Variants in DNAJB4 observed in about 807,000 individuals in gnomAD.
The protein encoded by DNAJB4 is DnaJ heat shock protein family (Hsp40) member B4, also known as dnaJ homolog subfamily B member 4.
A neutral mutation model predicts 26.6 loss-of-function variants in DNAJB4; 10 were observed. That is an observed-to-expected ratio of 0.38 (90% CI 0.23 to 0.64). The LOEUF (loss-of-function observed/expected upper bound fraction) is 0.64. Ranked by LOEUF, DNAJB4 falls within the 30% of genes least tolerant of loss-of-function variation. The pLI is 0.58. For synonymous variants in DNAJB4, 136 were observed against 134.8 expected, an observed-to-expected ratio of 1.01 and a Z score of -0.06; for missense variants, 328 against 408.2, an observed-to-expected ratio of 0.80 and a Z score of 1.69.
intron 1 of DNAJB4, among the ~76,000 whole-genome samples, chr1:77,989,878 CATT>C (rs1307123470): frequency 6.6e-6 from 1 of 152,204 alleles, no homozygotes; most frequent in African/African-American, 2.4e-5. Flanking sequence ...GTAAGAATTT[CATT>C]ATTCAAAAAC....
Position 78,005,327 on chromosome 1 carries a change from T to A in DNAJB4, c.211+6T>A. 8 of 1,605,654 alleles carry A rather than the reference T, an allele frequency of 5.0e-6. No individual in the cohort carries two copies. Among genetic ancestry groups the A allele is most frequent in the Non-Finnish European group, 6.8e-6 (8 of 1,176,348 alleles). ...TGATCAGTTTGGGGAGGAAGGTAAG[T>A]ATTCTCTGTATATCTTTCTGTCTCT... On this transcript the variant is annotated splice_donor_region_variant and intron_variant, in intron 1 of 2. Coordinates refer to ENST00000370763, the MANE Select transcript of DNAJB4 (RefSeq NM_007034.5).
chr1:77,999,988 CT>C (rs1159482564), upstream of DNAJB4, among the ~76,000 whole-genome samples: 1 of 152,112 alleles, frequency 6.6e-6, no homozygotes, highest in Non-Finnish European at 1.5e-5. Context: ...AATATATATA[CT>C]TTAAGAATAT....
At chr1:78,007,311 G>A (rs546984936) in intron 1 of DNAJB4, among the ~76,000 whole-genome samples, 5 of 152,182 alleles carry the variant, frequency 3.3e-5, no homozygotes, top group East Asian at 1.9e-4. Context: ...GCCAGGCGCC[G>A]TGGCTCATGC....
At chr1:78,004,447 C>G (rs1459951706), upstream of DNAJB4, 1 of 152,024 alleles carries the variant, frequency 6.6e-6, no homozygotes, top group East Asian at 1.9e-4. Flanking sequence ...TTGATAGACC[C>G]CAGGAATTTT....
chr1:77,990,870 C>T (rs879788599), intron 1 of DNAJB4, among the ~76,000 whole-genome samples: 8 of 152,170 alleles, frequency 5.3e-5, no homozygotes, highest in Non-Finnish European at 1.2e-4. Context: ...CTTTGTGATT[C>T]ATTCATTCAG....
intron 2 of DNAJB4, among the ~76,000 whole-genome samples, chr1:78,014,773 A>G (rs1040928686): frequency 2.6e-5 from 4 of 151,142 alleles, no homozygotes; most frequent in African/African-American, 9.7e-5. Context: ...GCTGATTTTC[A>G]TATTTTTAGT....
Position 78,013,158 on chromosome 1 carries a change from C to G in DNAJB4, c.319C>G (p.Pro107Ala), listed in dbSNP as rs1660538582. 1 of 1,614,064 alleles carries G rather than the reference C, an allele frequency of 6.2e-7. No individual in the cohort carries two copies. Reference sequence around the variant, plus strand: ...TGCTGCATTTTTCGGAGGGTCCAACCCCTTTGAAATTTTCTTTGGAAGACG... The same window carrying G: ...TGCTGCATTTTTCGGAGGGTCCAACGCCTTTGAAATTTTCTTTGGAAGACG... ...TFAAFFGGSN[P>A]FEIFFGRRMG... is the part of the protein sequence containing the mutation. Residue 107 changes from proline to alanine, a missense_variant, in exon 2 of 3, where the codon CCC (proline) becomes GCC (alanine). By Grantham distance (27) the Pro-to-Ala change is conservative. Coordinates refer to ENST00000370763, the MANE Select transcript of DNAJB4 (RefSeq NM_007034.5).
chr1:78,014,531 A>G lies in DNAJB4; in HGVS notation c.780+912A>G, dbSNP rs188920494. On this transcript the variant is annotated intron_variant, in intron 2 of 2. Transcript: ENST00000370763. ...TAAAGTCCAAACTCTTTAGCTTAAA[A>G]TAAGTCATTTTAAATCTGATGTCTA... is the stretch of plus-strand genomic sequence containing the variant. Among the ~76,000 whole-genome samples the G allele has an allele frequency of 1.8e-3, 274 of 152,290 alleles. 1 individual carries two copies. The highest frequency in any genetic ancestry group is 6.1e-3 in the African/African-American group (255 of 41,570).
intron 1 of DNAJB4, among the ~76,000 whole-genome samples, chr1:78,006,748 C>T (rs1660338923): frequency 6.6e-6 from 1 of 152,044 alleles, no homozygotes; most frequent in Non-Finnish European, 1.5e-5. Context: ...GCCATATTAC[C>T]CAAAATATCA....
chr1:78,012,159 C>CTTTTTTT (rs1270987929), intron 1 of DNAJB4, among the ~76,000 whole-genome samples: 8 of 88,810 alleles, frequency 9.0e-5, no homozygotes, highest in African/African-American at 3.9e-4. Flanking sequence ...CTTTTCTTTT[C>CTTTTTTT]TTTTTTTTTT....
chr1:77,980,467 G>A (rs1258726200), intron 1 of DNAJB4: 1 of 151,976 alleles, frequency 6.6e-6, no homozygotes, highest in African/African-American at 2.4e-5. Context: ...GTAATTTACT[G>A]TGTTAATAGT....
At chr1:78,005,406 T>C (rs191981854) in intron 1 of DNAJB4, 85 bp downstream of exon 1, 9 of 1,162,580 alleles carry the variant, frequency 7.7e-6, no homozygotes, top group Non-Finnish European at 1.1e-5. Flanking sequence ...TTTTCCCCTC[T>C]CTCTCAGCTT....
At chr1:78,001,115 AAGG>A (rs1257025036), upstream of DNAJB4, among the ~76,000 whole-genome samples, 1 of 152,022 alleles carries the variant, frequency 6.6e-6, no homozygotes, top group Non-Finnish European at 1.5e-5. Flanking sequence ...GAGGTCAAGG[AAGG>A]AGGATTGTTT....
At chr1:78,006,988 A>T (rs1019284574) in intron 1 of DNAJB4, among the ~76,000 whole-genome samples, 1 of 152,220 alleles carries the variant, frequency 6.6e-6, no homozygotes, top group Non-Finnish European at 1.5e-5. Context: ...GGGTTTAGTA[A>T]GGATATTTGT....
chr1:78,005,286 A>G lies in DNAJB4; in HGVS notation c.176A>G (p.Lys59Arg). Residue 59 changes from lysine (K) to arginine (R), a missense_variant, in exon 1 of 3, where the codon AAA (lysine) becomes AGA (arginine). Transcript: ENST00000370763. ...AEAYEVLSDP[K>R]KREIYDQFGE... is the part of the protein sequence containing the mutation. ...GCTTATGAAGTATTGAGTGATCCTA[A>G]AAAGAGAGAAATATATGATCAGTTT... The G allele has an allele frequency of 6.2e-7, 1 of 1,613,946 alleles. No individual in the cohort carries two copies. The highest frequency in any genetic ancestry group is 8.5e-7 in the Non-Finnish European group (1 of 1,179,926).
chr1:77,996,261 C>T (rs542026516), intron 1 of DNAJB4, among the ~76,000 whole-genome samples: 2 of 152,232 alleles, frequency 1.3e-5, no homozygotes, highest in African/African-American at 4.8e-5. Flanking sequence ...CCAAGCCATC[C>T]CCCTGCCTGA....
intron 1 of DNAJB4, among the ~76,000 whole-genome samples, chr1:78,012,714 CAGG>C (rs1236124438): frequency 6.6e-6 from 1 of 152,088 alleles, no homozygotes; most frequent in African/African-American, 2.4e-5. Flanking sequence ...GAGGCTGAGG[CAGG>C]AGAATTGTTT....
intron 1 of DNAJB4, chr1:77,992,690 A>G (rs1659962600): frequency 6.6e-6 from 1 of 152,076 alleles, no homozygotes; most frequent in Non-Finnish European, 1.5e-5. Context: ...ATCAGCGTAT[A>G]AGTTTTATTT....
chr1:77,992,176 G>A (rs1448732361), intron 1 of DNAJB4, among the ~76,000 whole-genome samples: 1 of 151,988 alleles, frequency 6.6e-6, no homozygotes, highest in Admixed American at 6.6e-5. Flanking sequence ...CACTTTGGGA[G>A]GCCGAGGCGG....
Sources: gnomAD v4.1 joint callset for allele counts (sites outside exome capture counted in the v4.1 genomes callset) on GRCh38, gnomAD v4.1.1 for gene constraint, MANE v1.5 for transcripts, NCBI Gene and HGNC (gene_info 2026-07-23, HGNC 2026-07-21) for gene names.